SLC6A3: variants seen among roughly 807,000 people sequenced by gnomAD.
SLC6A3 encodes sodium-dependent dopamine transporter.
SLC6A3 carries 19 observed loss-of-function variants against 70.4 expected under a neutral mutation model. The observed-to-expected ratio is 0.27, with a 90% CI of 0.19 to 0.40. The LOEUF (loss-of-function observed/expected upper bound fraction) is 0.40, where lower values mean the gene tolerates loss of function less well. Ranked by LOEUF, SLC6A3 falls within the 10% of genes least tolerant of loss-of-function variation. The pLI, the probability that SLC6A3 is intolerant of heterozygous loss-of-function variation, is 1.00. For synonymous variants in SLC6A3, 368 were observed against 356.6 expected (o/e 1.03, Z -0.36); for missense variants, 613 against 838.5 (o/e 0.73, Z 3.32).
At position 1,406,547 on chromosome 5, in the gene SLC6A3, C is replaced by T. The variant is rs1194753108; in HGVS notation, c.1499-259G>A. 6.6e-6 allele frequency among the ~76,000 whole-genome samples: 1 copy of T among 152,192 alleles called. No individual in the cohort carries two copies. Among genetic ancestry groups the T allele is most frequent in the Non-Finnish European group, 1.5e-5 (1 of 68,030 alleles). On this transcript the variant is annotated intron_variant, in intron 11 of 14. Transcript: ENST00000270349. This position sits in a 1 kb window ranked among gnomAD's most constrained non-coding sequence, Gnocchi z 8.8. The stretch of plus-strand genomic sequence containing the variant: ...GCCCCGGTGGGTGCTCCCCGCGCCC[C>T]GGCAACAGCCCCTCGGGTCCTCCTC...
intron 10 of SLC6A3, 93 bp downstream of exon 10, chr5:1,409,628 T>C: frequency 6.8e-7 from 1 of 1,479,646 alleles, no homozygotes; most frequent in Non-Finnish European, 9.4e-7. Flanking sequence ...AGTGCTGCGG[T>C]TCTGTCTGGC....
chr5:1,409,115 T>C lies in SLC6A3; in HGVS notation c.1409A>G (p.Tyr470Cys), dbSNP rs947725426. Reference protein sequence around the residue: ...SLFCVTNGGIYVFTLLDHFAA... With the variant: ...SLFCVTNGGICVFTLLDHFAA... ...AAAATGGTCCAGGAGCGTGAAGACG[T>C]AGATGCCACCCTGGAAGAGAGGGGA... Residue 470 changes from tyrosine (Y) to cysteine (C), a missense_variant, in exon 11 of 15, where the codon TAC becomes TGC. By Grantham distance (194) the Tyr-to-Cys change is radical (BLOSUM62 -2). This residue lies in a region of SLC6A3 where 348 missense variants were observed against 481.2 expected (regional missense o/e 0.72). Coordinates refer to ENST00000270349, the MANE Select transcript of SLC6A3 (RefSeq NM_001044.5). The C allele has an allele frequency of 5.0e-6, 8 of 1,610,158 alleles. No individual in the cohort carries two copies. The highest frequency in any genetic ancestry group is 1.7e-6 in the Non-Finnish European group (2 of 1,178,472).
Position 1,437,251 on chromosome 5 carries a change from CAA to C in SLC6A3, c.418+4106_418+4107del, listed in dbSNP as rs113262982. ...GGTGACAGAGCGAGATTCCGTCTCACAAAAAAAAAAAAAAAGAAAAGAAAAGA... is the reference window on the plus strand; with the variant it reads ...GGTGACAGAGCGAGATTCCGTCTCACAAAAAAAAAAAAAGAAAAGAAAAGA... On this transcript the variant is annotated intron_variant, in intron 3 of 14. Transcript: ENST00000270349. This position sits in a 1 kb window ranked among gnomAD's most constrained non-coding sequence, Gnocchi z 4.8. Among the ~76,000 whole-genome samples, 126 of 116,794 alleles carry C rather than the reference CAA, an allele frequency of 1.1e-3. No homozygotes were observed. Among genetic ancestry groups the C allele is most frequent in the African/African-American group, 1.1e-3 (36 of 31,344 alleles). 76.6% of individuals were successfully genotyped at this position (116,794 alleles called of 152,430 possible). A position where few individuals can be genotyped will look rare whatever the true frequency, so the allele number is the denominator to read the frequency against.
At chr5:1,431,792 G>T (rs566552516) in intron 4 of SLC6A3, among the ~76,000 whole-genome samples, 59 of 152,174 alleles carry the variant, frequency 3.9e-4, no homozygotes, top group Non-Finnish European at 7.1e-4. Flanking sequence ...CCTGGCCAGG[G>T]CAAAGGGAGA....
rs1304272728 is a variant in SLC6A3 at position 1,402,229 on chromosome 5, T to A, written c.1767+693A>T. Among the ~76,000 whole-genome samples, 1 of 151,926 alleles carries A rather than the reference T, an allele frequency of 6.6e-6. No homozygotes were observed. Among genetic ancestry groups the A allele is most frequent in the Non-Finnish European group, 1.5e-5 (1 of 67,956 alleles). ...GTGGGATCTCAGGTGAGGGCGACCCTCTTCCAAGGAGGGAGTGTCCTTGTC... is the reference window on the plus strand; with the variant it reads ...GTGGGATCTCAGGTGAGGGCGACCCACTTCCAAGGAGGGAGTGTCCTTGTC... On this transcript the variant is annotated intron_variant, in intron 13 of 14. Transcript: ENST00000270349. The surrounding 1 kb of genome is among the most constrained non-coding windows in gnomAD (Gnocchi z 8.5).
At position 1,408,959 on chromosome 5, in the gene SLC6A3, T is replaced by C. The variant is rs1756050129; in HGVS notation, c.1498+67A>G. The stretch of plus-strand genomic sequence containing the variant: ...AAGGTGTTTCCTCACGGAGCCTTTT[T>C]CAGAAGGGGAGTGGCACAGCCACCA... On this transcript the variant is annotated intron_variant, in intron 11 of 14. Transcript: ENST00000270349. The surrounding 1 kb of genome is among the most constrained non-coding windows in gnomAD (Gnocchi z 6.4). 8.7e-7 allele frequency: 1 copy of C among 1,146,476 alleles called. No homozygotes were observed. Among genetic ancestry groups the C allele is most frequent in the Non-Finnish European group, 1.3e-6 (1 of 762,494 alleles). The allele number at this position is 1,146,476 out of a possible 1,614,324, so 71.0% of individuals were successfully genotyped here. A position where few individuals can be genotyped will look rare whatever the true frequency, so the allele number is the denominator to read the frequency against.
At chr5:1,429,928 G>A (rs1756657171) in intron 4 of SLC6A3, among the ~76,000 whole-genome samples, 1 of 152,220 alleles carries the variant, frequency 6.6e-6, no homozygotes, top group Non-Finnish European at 1.5e-5. Flanking sequence ...TCTCCCTCGA[G>A]AATGTTAAAA....
In SLC6A3 at chr5:1,397,595, C is replaced by T. The variant is rs1755751316; in HGVS notation, c.1840-2837G>A. The stretch of plus-strand genomic sequence containing the variant: ...CAGGCCACACATCTCAGCACAGCCA[C>T]GGAACACTGCTGCCTCCAAAACGCA... On this transcript the variant is annotated intron_variant, in intron 14 of 14. Transcript: ENST00000270349. This position sits in a 1 kb window ranked among gnomAD's most constrained non-coding sequence, Gnocchi z 4.7. Among the ~76,000 whole-genome samples, 1 of 152,212 alleles carries T rather than the reference C, an allele frequency of 6.6e-6. No individual in the cohort carries two copies. Among genetic ancestry groups the T allele is most frequent in the Non-Finnish European group, 1.5e-5 (1 of 68,046 alleles).
chr5:1,421,924 G>C lies in SLC6A3; in HGVS notation c.744C>G (p.Ile248Met), dbSNP rs375466722. 6.2e-7 allele frequency: 1 copy of C among 1,613,132 alleles called. No individual in the cohort carries two copies. Among genetic ancestry groups the C allele is most frequent in the African/African-American group, 1.3e-5 (1 of 74,918 alleles). Residue 248 changes from isoleucine to methionine, a missense_variant, in exon 5 of 15, where the codon ATC becomes ATG. Transcript: ENST00000270349. The surrounding 1 kb of genome is among the most constrained non-coding windows in gnomAD (Gnocchi z 7.2). Reference sequence around the variant, plus strand: ...TCCAGAGGCTGAAGTAGAGCAGCACGATGACCAGCACCAGGCAGGCTGTGA... The same window carrying C: ...TCCAGAGGCTGAAGTAGAGCAGCACCATGACCAGCACCAGGCAGGCTGTGA... ...WQLTACLVLV[I>M]VLLYFSLWKG...
chr5:1,394,654 T>C lies in SLC6A3; in HGVS notation c.*81A>G. 2 of 1,423,012 alleles carry C rather than the reference T, an allele frequency of 1.4e-6. No individual in the cohort carries two copies. Among genetic ancestry groups the C allele is most frequent in the South Asian group, 1.1e-5 (1 of 87,274 alleles). 88.1% of individuals were successfully genotyped at this position (1,423,012 alleles called of 1,614,324 possible). On this transcript the variant is annotated 3_prime_UTR_variant, in exon 15 of 15. Transcript: ENST00000270349. The surrounding 1 kb of genome is among the most constrained non-coding windows in gnomAD (Gnocchi z 4.7). Reference sequence around the variant, plus strand: ...GAAGAGTAGAAGTTGCCCTCCTTTCTCTCGAAACTTAGATTTCCTTGGTTT... The same window carrying C: ...GAAGAGTAGAAGTTGCCCTCCTTTCCCTCGAAACTTAGATTTCCTTGGTTT...
chr5:1,398,585 G>A (rs187624268), intron 14 of SLC6A3, among the ~76,000 whole-genome samples: 218 of 152,272 alleles, frequency 1.4e-3, no homozygotes, highest in African/African-American at 4.8e-3. Context: ...AACTGTCAGC[G>A]TAAAAAATTC....
chr5:1,441,646 C>T (rs1206144851), intron 2 of SLC6A3, among the ~76,000 whole-genome samples, 156 bp from the exon 3 acceptor site: 5 of 152,318 alleles, frequency 3.3e-5, no homozygotes, highest in African/African-American at 1.2e-4. Context: ...GTAGATGAGT[C>T]CCGAAGCCCG....
Position 1,441,289 on chromosome 5 carries a change from C to T in SLC6A3, c.418+70G>A, listed in dbSNP as rs552769770. ...GGATGCCCATGATGCGGCTGGCTTG[C>T]TTTGAAAGCTCCAGCGTCACCACCA... On this transcript the variant is annotated intron_variant, in intron 3 of 14. Transcript: ENST00000270349. 1,176 of 1,600,632 alleles carry T rather than the reference C, an allele frequency of 7.3e-4. 18 individuals are homozygous for T. In the South Asian group the frequency reaches 0.012, roughly 16 times the overall value.
chr5:1,435,115 G>A (rs372647740), intron 3 of SLC6A3, among the ~76,000 whole-genome samples: 15 of 152,242 alleles, frequency 9.9e-5, no homozygotes, highest in South Asian at 2.1e-4. Context: ...AGTCTGTCAC[G>A]GATTGCCTTT....
chr5:1,435,725 A>G (rs9312865), intron 3 of SLC6A3, among the ~76,000 whole-genome samples: 15,389 of 111,112 alleles, frequency 0.14, 1,595 homozygotes, highest in Middle Eastern at 0.23. Flanking sequence ...TCCCTTGAAC[A>G]GTGGTGGCCA....
chr5:1,419,144 C>T (rs1269542469), intron 6 of SLC6A3, among the ~76,000 whole-genome samples: 1 of 151,636 alleles, frequency 6.6e-6, no homozygotes, highest in Non-Finnish European at 1.5e-5. Context: ...ATCCATCCAT[C>T]CATCCATCCA....
In SLC6A3 at chr5:1,397,420, G is replaced by T. The variant is rs1335326830; in HGVS notation, c.1840-2662C>A. Reference sequence around the variant, plus strand: ...CACTCCAGCCTGGGCTACAGAGCGAGACTCCGTCTCAAAACAAACAAACAA... The same window carrying T: ...CACTCCAGCCTGGGCTACAGAGCGATACTCCGTCTCAAAACAAACAAACAA... On this transcript the variant is annotated intron_variant, in intron 14 of 14. Transcript: ENST00000270349. This position sits in a 1 kb window ranked among gnomAD's most constrained non-coding sequence, Gnocchi z 4.7. Among the ~76,000 whole-genome samples, 3 of 152,148 alleles carry T rather than the reference G, an allele frequency of 2.0e-5. No homozygotes were observed. In the South Asian group the frequency reaches 6.2e-4, roughly 32 times the overall value.
rs1205000971 is a variant in SLC6A3 at position 1,404,266 on chromosome 5, G to T, written c.1600-1177C>A. Among the ~76,000 whole-genome samples, 1 of 152,210 alleles carries T rather than the reference G, an allele frequency of 6.6e-6. No homozygotes were observed. Among genetic ancestry groups the T allele is most frequent in the Non-Finnish European group, 1.5e-5 (1 of 68,032 alleles). On this transcript the variant is annotated intron_variant, in intron 12 of 14. Transcript: ENST00000270349. The surrounding 1 kb of genome is among the most constrained non-coding windows in gnomAD (Gnocchi z 5.2). The stretch of plus-strand genomic sequence containing the variant: ...GTGTCTGTCACGTGACCAGAGCCAG[G>T]GTGAGCAGCACTTTGGCGAGCAAAG...
chr5:1,431,192 G>T (rs1419668400), intron 4 of SLC6A3, among the ~76,000 whole-genome samples: 4 of 152,282 alleles, frequency 2.6e-5, no homozygotes, highest in African/African-American at 9.6e-5. Flanking sequence ...GCCAGATCCA[G>T]ATTCCGGGAG....
Sources: allele counts gnomAD v4.1 joint callset (sites outside exome capture counted in the v4.1 genomes callset), GRCh38; gene constraint gnomAD v4.1.1; regional missense constraint gnomAD v4.1.1; non-coding constraint Gnocchi (gnomAD v3.1); transcripts MANE v1.5; gene names NCBI Gene and HGNC (gene_info 2026-07-23, HGNC 2026-07-21).